The following SNX8 variants were observed in gnomAD, a reference collection of about 807,000 sequenced individuals.
SNX8 encodes sorting nexin 8.
A neutral mutation model predicts 51.6 loss-of-function variants in SNX8; 25 were observed. That is an observed-to-expected ratio of 0.48 (90% CI 0.35 to 0.68). SNX8 has a LOEUF of 0.68. Ranked by LOEUF, SNX8 falls within the 30% of genes least tolerant of loss-of-function variation. The probability of loss-of-function intolerance (pLI) is 0.00; values close to 1 mark genes in which losing one functional copy is unlikely to be tolerated. For synonymous variants in SNX8, 324 were observed against 277.0 expected (o/e 1.17, Z -1.68); for missense variants, 695 against 624.0 (o/e 1.11, Z -1.21).
At chr7:2,285,673 T>A (rs528488689) in intron 1 of SNX8, among the ~76,000 whole-genome samples, 1 of 140,398 alleles carries the variant, frequency 7.1e-6, no homozygotes, top group Admixed American at 7.7e-5. Flanking sequence ...TCTTTTTCTA[T>A]TTTTTTTATT....
At chr7:2,283,204 G>A (rs1233633138) in intron 1 of SNX8, among the ~76,000 whole-genome samples, 2 of 152,038 alleles carry the variant, frequency 1.3e-5, no homozygotes, top group Non-Finnish European at 2.9e-5. Context: ...GCACACCTTC[G>A]CAAATGCTGA....
chr7:2,304,412 C>A (rs1012928464), intron 1 of SNX8, among the ~76,000 whole-genome samples: 10 of 151,608 alleles, frequency 6.6e-5, no homozygotes, highest in South Asian at 2.1e-4. Flanking sequence ...GGCGTGGTGG[C>A]GGGCGCCTGT....
In SNX8 at chr7:2,346,028, G is replaced by A. The variant is rs1396727037; in HGVS notation, c.-66+8194C>T. 2.6e-5 allele frequency among the ~76,000 whole-genome samples: 4 copies of A among 152,130 alleles called. No individual in the cohort carries two copies. The East Asian group carries it at 7.8e-4, about 30-fold the overall frequency. Reference sequence around the variant, plus strand: ...TCACCATGTTGGCCAGGCTGGTCTCGAACTCCTGACCTCAAGTGATCTGCC... The same window carrying A: ...TCACCATGTTGGCCAGGCTGGTCTCAAACTCCTGACCTCAAGTGATCTGCC... On this transcript the variant is annotated intron_variant, in intron 1 of 5. Coordinates refer to the SNX8 transcript ENST00000435336.
chr7:2,329,354 A>G (rs1175981437), intron 1 of SNX8, among the ~76,000 whole-genome samples: 1 of 152,174 alleles, frequency 6.6e-6, no homozygotes, highest in African/African-American at 2.4e-5. Flanking sequence ...ATGCTTGGGA[A>G]CAAGGCCAGA....
chr7:2,352,647 A>C (rs1413993948), intron 1 of SNX8, among the ~76,000 whole-genome samples: 1 of 151,860 alleles, frequency 6.6e-6, no homozygotes, highest in African/African-American at 2.4e-5. Flanking sequence ...CCTGGCTAAT[A>C]CGGTGAAACC....
intron 4 of SNX8, among the ~76,000 whole-genome samples, chr7:2,271,053 TG>T (rs1476340948): frequency 5.3e-5 from 8 of 152,204 alleles, no homozygotes; most frequent in Admixed American, 5.2e-4. Flanking sequence ...GGTTGTTTTT[TG>T]TTTTTTTGAG....
At chr7:2,256,601 G>A (rs1292290909) in intron 10 of SNX8, among the ~76,000 whole-genome samples, 1 of 152,200 alleles carries the variant, frequency 6.6e-6, no homozygotes, top group African/African-American at 2.4e-5. Context: ...CTTTACCTCC[G>A]ACTTCTCAAA....
Position 2,339,330 on chromosome 7 carries a change from C to T in SNX8, c.-66+14892G>A, listed in dbSNP as rs541419695. On this transcript the variant is annotated intron_variant, in intron 1 of 5. Transcript: ENST00000435336. ...AGGCAATTCTCCTGCCTCAGCCTCC[C>T]GAGTAGCTGGGACTACAGGCACGTG... Among the ~76,000 whole-genome samples the T allele has an allele frequency of 2.3e-4, 35 of 152,170 alleles. 1 individual carries two copies. Among genetic ancestry groups the T allele is most frequent in the South Asian group, 1.7e-3 (8 of 4,820 alleles).
intron 1 of SNX8, among the ~76,000 whole-genome samples, chr7:2,303,290 C>T (rs1796454619): frequency 6.8e-6 from 1 of 147,638 alleles, no homozygotes; most frequent in African/African-American, 2.5e-5. Context: ...GTGGGGGGGT[C>T]AGCCCCCCGC....
At chr7:2,267,000 G>A (rs563085833) in intron 5 of SNX8, among the ~76,000 whole-genome samples, 10 of 152,354 alleles carry the variant, frequency 6.6e-5, no homozygotes, top group African/African-American at 2.4e-4. Flanking sequence ...ACAGAAAAGG[G>A]CAGAGGGCAC....
chr7:2,333,354 G>A (rs944826127), intron 1 of SNX8, among the ~76,000 whole-genome samples: 1 of 152,162 alleles, frequency 6.6e-6, no homozygotes, highest in Non-Finnish European at 1.5e-5. Context: ...AAGGTCAAGA[G>A]ATCAAGAACA....
chr7:2,303,791 C>T (rs1038738700), intron 1 of SNX8, among the ~76,000 whole-genome samples: 3 of 151,976 alleles, frequency 2.0e-5, no homozygotes. Flanking sequence ...TCCCTAATCT[C>T]AAGTACCCAG....
chr7:2,329,637 C>A (rs978472045), intron 1 of SNX8, among the ~76,000 whole-genome samples: 1 of 152,160 alleles, frequency 6.6e-6, no homozygotes, highest in Non-Finnish European at 1.5e-5. Flanking sequence ...CTGTGTCCAG[C>A]CCTATTCCCT....
intron 1 of SNX8, among the ~76,000 whole-genome samples, chr7:2,295,247 T>C (rs1796244228): frequency 6.6e-6 from 1 of 150,654 alleles, no homozygotes; most frequent in Non-Finnish European, 1.5e-5. Flanking sequence ...CTAATAAAAA[T>C]ACAAAAATTA....
chr7:2,331,329 C>G (rs1205906153), intron 1 of SNX8, among the ~76,000 whole-genome samples: 1 of 151,400 alleles, frequency 6.6e-6, no homozygotes, highest in Non-Finnish European at 1.5e-5. Flanking sequence ...TTGTAAGATA[C>G]AACATCAAAT....
At chr7:2,351,070 T>C (rs1454219229) in intron 1 of SNX8, among the ~76,000 whole-genome samples, 2 of 152,068 alleles carry the variant, frequency 1.3e-5, no homozygotes, top group East Asian at 1.9e-4. Context: ...TGAGCCATGA[T>C]TGCGCCACTG....
intron 1 of SNX8, among the ~76,000 whole-genome samples, chr7:2,311,701 GC>G (rs766355928): frequency 6.8e-4 from 103 of 152,184 alleles, no homozygotes; most frequent in Non-Finnish European, 4.9e-4. Flanking sequence ...ACTTTGGGAG[GC>G]CGAGGCGGCT....
chr7:2,258,051 C>T (rs1215020542), intron 7 of SNX8, among the ~76,000 whole-genome samples: 4 of 150,220 alleles, frequency 2.7e-5, no homozygotes, highest in Non-Finnish European at 5.9e-5. Context: ...CGCTCTGTCG[C>T]CCAGGCTGGA....
Position 2,257,508 on chromosome 7 carries a change from A to G in SNX8, c.991T>C (p.Cys331Arg). 6.2e-7 allele frequency: 1 copy of G among 1,603,396 alleles called. No homozygotes were observed. Among genetic ancestry groups the G allele is most frequent in the Non-Finnish European group, 8.5e-7 (1 of 1,177,774 alleles). The change falls in exon 9 of 11, where the codon TGC becomes CGC. Residue 331 changes from cysteine to arginine, a missense_variant. Physicochemically the swap from Cys to Arg is radical, Grantham distance 180. Coordinates refer to ENST00000222990, the MANE Select transcript of SNX8 (RefSeq NM_013321.4). ...LDLLQSYKDL[C>R]ERHEKGVLHK... ...AACACGCCCTTCTCATGCCGCTCGC[A>G]CAGGTCCTGCGGGGCCGGGGGAGGC...
Sources: allele counts gnomAD v4.1 joint callset (sites outside exome capture counted in the v4.1 genomes callset), GRCh38; gene constraint gnomAD v4.1.1; transcripts MANE v1.5; gene names NCBI Gene and HGNC (gene_info 2026-07-23, HGNC 2026-07-21).